Variants in BRINP1 observed in about 807,000 individuals in gnomAD.
BRINP1 encodes BMP/retinoic acid inducible neural specific 1, also known as BMP/retinoic acid-inducible neural-specific protein 1.
A neutral mutation model predicts 72.9 loss-of-function variants in BRINP1; 17 were observed. That is an observed-to-expected ratio of 0.23 (90% CI 0.16 to 0.35). BRINP1 has a LOEUF of 0.35. BRINP1 is among the 10% of genes least tolerant of loss of function. The pLI, the probability that BRINP1 is intolerant of heterozygous loss-of-function variation, is 1.00. For missense variants in BRINP1, 850 were observed against 1,001.6 expected, an observed-to-expected ratio of 0.85 and a Z score of 2.04; for synonymous variants, 418 against 378.5, an observed-to-expected ratio of 1.10 and a Z score of -1.21.
intron 1 of BRINP1, among the ~76,000 whole-genome samples, chr9:119,339,341 C>T (rs10435884): frequency 0.75 from 114,689 of 152,178 alleles, 44,797 homozygotes; most frequent in East Asian, 1. Flanking sequence ...TAGACATTAA[C>T]ATGCTTTCTT....
chr9:119,220,570 C>T (rs907391195), intron 5 of BRINP1, among the ~76,000 whole-genome samples: 4 of 152,070 alleles, frequency 2.6e-5, no homozygotes, highest in African/African-American at 7.2e-5. Context: ...GCATGCTTCC[C>T]ACCTCCTAAA....
intron 2 of BRINP1, among the ~76,000 whole-genome samples, chr9:119,301,607 T>C (rs1263910313): frequency 2.0e-5 from 3 of 152,168 alleles, no homozygotes; most frequent in Non-Finnish European, 4.4e-5. Context: ...TTGATCGCAG[T>C]GGTGGTTACA....
In BRINP1 at chr9:119,166,919, G is replaced by C; in HGVS notation, c.*165C>G. ...CAAACATGCCCAACGCTTTTATACA[G>C]TTGCTAGAACGTTTTCATTTCCAAC... is the stretch of plus-strand genomic sequence containing the variant. On this transcript the variant is annotated 3_prime_UTR_variant, in exon 8 of 8. Transcript: ENST00000265922. 1.4e-6 allele frequency: 1 copy of C among 739,716 alleles called. No individual in the cohort carries two copies. The highest frequency in any genetic ancestry group is 1.9e-5 in the South Asian group (1 of 51,346). 45.8% of individuals were successfully genotyped at this position (739,716 alleles called of 1,614,324 possible).
At chr9:119,282,603 A>C (rs1830507578) in intron 2 of BRINP1, among the ~76,000 whole-genome samples, 1 of 152,344 alleles carries the variant, frequency 6.6e-6, no homozygotes, top group East Asian at 1.9e-4. Context: ...GAAGAGTAGC[A>C]ATGAAAAGTA....
intron 2 of BRINP1, among the ~76,000 whole-genome samples, chr9:119,303,530 T>G (rs1363654118): frequency 6.6e-6 from 1 of 152,202 alleles, no homozygotes; most frequent in Non-Finnish European, 1.5e-5. Context: ...GACGTGCAAG[T>G]GCACTGTGTA....
intron 7 of BRINP1, among the ~76,000 whole-genome samples, chr9:119,185,842 G>A (rs1246214313): frequency 2.6e-5 from 4 of 152,138 alleles, no homozygotes; most frequent in Non-Finnish European, 5.9e-5. Context: ...TCCCACTCCC[G>A]ACCCTTTTAT....
intron 2 of BRINP1, among the ~76,000 whole-genome samples, chr9:119,275,102 C>T (rs1830643676): frequency 6.6e-6 from 1 of 152,116 alleles, no homozygotes; most frequent in Non-Finnish European, 1.5e-5. Context: ...CTGTGTGACT[C>T]TAGACTTTGG....
At chr9:119,206,031 T>C (rs1829850042) in intron 7 of BRINP1, among the ~76,000 whole-genome samples, 2 of 152,086 alleles carry the variant, frequency 1.3e-5, no homozygotes, top group Admixed American at 1.3e-4. Flanking sequence ...ACTGTGACTG[T>C]GTTTGGAGAC....
intron 7 of BRINP1, among the ~76,000 whole-genome samples, chr9:119,176,963 C>T (rs770468319): frequency 6.6e-6 from 1 of 152,068 alleles, no homozygotes; most frequent in Non-Finnish European, 1.5e-5. Flanking sequence ...GCGATAAAAC[C>T]TCCCTGACAG....
At chr9:119,301,349 A>G (rs191289068) in intron 2 of BRINP1, among the ~76,000 whole-genome samples, 2 of 152,126 alleles carry the variant, frequency 1.3e-5, no homozygotes, top group Admixed American at 6.5e-5. Flanking sequence ...CCTCTTGACT[A>G]TTTCTTCCTT....
intron 2 of BRINP1, among the ~76,000 whole-genome samples, chr9:119,271,809 A>C (rs1435580632): frequency 1.3e-5 from 2 of 151,756 alleles, no homozygotes; most frequent in Non-Finnish European, 2.9e-5. Flanking sequence ...AAACACACAA[A>C]CACGTGCAAA....
chr9:119,294,879 A>T (rs1474293749), intron 2 of BRINP1, among the ~76,000 whole-genome samples: 2 of 146,228 alleles, frequency 1.4e-5, no homozygotes, highest in East Asian at 4.0e-4. Context: ...AAAGACACAC[A>T]TAAATGGAAA....
At chr9:119,168,690 A>G (rs990984290) in intron 7 of BRINP1, among the ~76,000 whole-genome samples, 2 of 152,244 alleles carry the variant, frequency 1.3e-5, no homozygotes, top group African/African-American at 4.8e-5. Flanking sequence ...TCCTCCCATG[A>G]GGGTGTATAA....
intron 1 of BRINP1, among the ~76,000 whole-genome samples, chr9:119,357,666 T>C (rs552941938): frequency 6.6e-6 from 1 of 152,332 alleles, no homozygotes; most frequent in East Asian, 1.9e-4. Context: ...AAAACGCAGA[T>C]TGTTAAGGAG....
intron 1 of BRINP1, among the ~76,000 whole-genome samples, chr9:119,317,579 C>T (rs1312837049): frequency 1.3e-5 from 2 of 152,188 alleles, no homozygotes; most frequent in Admixed American, 6.5e-5. Flanking sequence ...GTTGATAAAA[C>T]AGTGGCAAGA....
intron 1 of BRINP1, among the ~76,000 whole-genome samples, chr9:119,364,232 T>G (rs1831665408): frequency 6.6e-6 from 1 of 152,176 alleles, no homozygotes; most frequent in African/African-American, 2.4e-5. Context: ...GGAAGAGAAT[T>G]GCACTTGTGT....
intron 7 of BRINP1, among the ~76,000 whole-genome samples, chr9:119,196,568 G>A (rs1188726220): frequency 1.3e-5 from 2 of 152,000 alleles, no homozygotes; most frequent in Admixed American, 1.3e-4. Context: ...CAACATAAAG[G>A]TCTAACCTTA....
chr9:119,334,981 A>C (rs58682331), intron 1 of BRINP1, among the ~76,000 whole-genome samples: 3,205 of 152,216 alleles, frequency 0.021, 123 homozygotes, highest in African/African-American at 0.073. Context: ...TTCCAGATAT[A>C]CTGTGGGAGC....
intron 4 of BRINP1, among the ~76,000 whole-genome samples, chr9:119,239,623 C>T (rs1009445733): frequency 1.3e-5 from 2 of 152,170 alleles, no homozygotes; most frequent in Admixed American, 1.3e-4. Flanking sequence ...CAGCCACATG[C>T]ACCTTCTCTG....
Sources: gnomAD v4.1 joint callset for allele counts (sites outside exome capture counted in the v4.1 genomes callset) on GRCh38, gnomAD v4.1.1 for gene constraint, MANE v1.5 for transcripts, NCBI Gene and HGNC (gene_info 2026-07-23, HGNC 2026-07-21) for gene names.